The following OXR1 variants were observed in gnomAD, a reference collection of about 807,000 sequenced individuals.
The protein encoded by OXR1 is oxidation resistance 1.
OXR1 carries 41 observed loss-of-function variants against 104.6 expected under a neutral mutation model. The ratio of observed to expected loss-of-function variants is 0.39; its 90% CI spans 0.31 to 0.51. OXR1 has a LOEUF of 0.51. OXR1 is among the 20% of genes least tolerant of loss of function. The pLI, the probability that OXR1 is intolerant of heterozygous loss-of-function variation, is 0.77. For synonymous variants in OXR1, 348 were observed against 348.4 expected (o/e 1.00, Z 0.01); for missense variants, 955 against 1,031.9 (o/e 0.93, Z 1.02).
At chr8:106,591,523 C>T (rs561528460) in intron 3 of OXR1, among the ~76,000 whole-genome samples, 2 of 151,744 alleles carry the variant, frequency 1.3e-5, no homozygotes, top group Non-Finnish European at 2.9e-5. Flanking sequence ...ATAACTCTTA[C>T]TCTTAGAAAA....
intron 1 of OXR1, among the ~76,000 whole-genome samples, chr8:106,326,334 A>G (rs1814467944): frequency 6.6e-6 from 1 of 152,260 alleles, no homozygotes; most frequent in South Asian, 2.1e-4. Flanking sequence ...TCGTGTTTAC[A>G]TGGATCTTAA....
chr8:106,713,233 T>C (rs1289828811), intron 10 of OXR1, among the ~76,000 whole-genome samples: 1 of 151,976 alleles, frequency 6.6e-6, no homozygotes, highest in Non-Finnish European at 1.5e-5. Context: ...AACGTAGATA[T>C]TTGAAATGTG....
intron 3 of OXR1, among the ~76,000 whole-genome samples, chr8:106,639,961 G>C (rs1823491828): frequency 1.3e-5 from 2 of 152,242 alleles, no homozygotes; most frequent in South Asian, 4.1e-4. Flanking sequence ...AGTGCCCTTT[G>C]TGAGCAAGTA....
At chr8:106,518,335 A>G (rs1316685590) in intron 2 of OXR1, among the ~76,000 whole-genome samples, 3 of 152,212 alleles carry the variant, frequency 2.0e-5, no homozygotes, top group Admixed American at 1.3e-4. Context: ...AATGATTTGT[A>G]TGCCAAAGGA....
intron 1 of OXR1, among the ~76,000 whole-genome samples, chr8:106,313,650 A>T (rs1813804051): frequency 6.6e-6 from 1 of 152,006 alleles, no homozygotes; most frequent in Non-Finnish European, 1.5e-5. Flanking sequence ...TCCTTTTGCT[A>T]GGACAAAATG....
chr8:106,359,860 A>G (rs879744280), intron 2 of OXR1, among the ~76,000 whole-genome samples: 19 of 152,170 alleles, frequency 1.2e-4, no homozygotes, highest in Non-Finnish European at 2.8e-4. Context: ...GAAGCCTCGC[A>G]CTGAATCCCA....
chr8:106,616,108 C>A (rs1342559653), intron 3 of OXR1, among the ~76,000 whole-genome samples: 1 of 137,046 alleles, frequency 7.3e-6, no homozygotes, highest in Non-Finnish European at 1.5e-5. Context: ...ATGGTGCGAT[C>A]TCAGCTCACT....
chr8:106,712,992 A>G (rs1211454179), intron 10 of OXR1, among the ~76,000 whole-genome samples: 1 of 151,978 alleles, frequency 6.6e-6, no homozygotes, highest in Non-Finnish European at 1.5e-5. Context: ...GTAGACATAA[A>G]ACTTAGGAAA....
intron 1 of OXR1, among the ~76,000 whole-genome samples, chr8:106,277,494 A>G (rs906814091): frequency 2.0e-5 from 3 of 152,072 alleles, no homozygotes; most frequent in African/African-American, 7.2e-5. Context: ...ATTAGTTCCA[A>G]CTGTTTTACT....
chr8:106,649,301 C>G (rs1373722384), intron 3 of OXR1, among the ~76,000 whole-genome samples: 1 of 151,536 alleles, frequency 6.6e-6, no homozygotes, highest in Non-Finnish European at 1.5e-5. Context: ...TGCATATATA[C>G]ACATACTAAT....
chr8:106,274,629 G>T (rs1258319593), intron 1 of OXR1, among the ~76,000 whole-genome samples: 1 of 93,410 alleles, frequency 1.1e-5, no homozygotes, highest in African/African-American at 4.7e-5. Flanking sequence ...CCTTTCTCCT[G>T]TGCATACAAA....
At chr8:106,598,374 C>G (rs1819685965) in intron 3 of OXR1, among the ~76,000 whole-genome samples, 1 of 152,136 alleles carries the variant, frequency 6.6e-6, no homozygotes, top group African/African-American at 2.4e-5. Flanking sequence ...CTGTCCTTAT[C>G]ACAGCTCTAT....
chr8:106,271,187 C>G (rs1055240138), intron 1 of OXR1, among the ~76,000 whole-genome samples: 1 of 152,040 alleles, frequency 6.6e-6, no homozygotes, highest in African/African-American at 2.4e-5. Context: ...CCGTGCCGCC[C>G]CTTGAATAGT....
chr8:106,339,352 G>A (rs1389693020), intron 1 of OXR1, among the ~76,000 whole-genome samples: 17 of 150,884 alleles, frequency 1.1e-4, no homozygotes, highest in East Asian at 2.0e-4. Context: ...AAAATCAGCC[G>A]GGCGTGGTGG....
chr8:106,599,788 T>C (rs1253186028), intron 3 of OXR1, among the ~76,000 whole-genome samples: 1 of 152,154 alleles, frequency 6.6e-6, no homozygotes, highest in East Asian at 1.9e-4. Context: ...TCCCCAACCT[T>C]TTCGGTATCA....
In OXR1 at chr8:106,288,542, G is replaced by GTA. The variant is rs1554618323; in HGVS notation, c.-139+18186_-139+18187dup. Among the ~76,000 whole-genome samples the GTA allele has an allele frequency of 1.4e-4, 21 of 147,542 alleles. No individual in the cohort carries two copies. The South Asian group carries it at 1.5e-3, about 11-fold the overall frequency. On this transcript the variant is annotated intron_variant, in intron 1 of 16. Coordinates refer to ENST00000517566, the MANE Select transcript of OXR1 (RefSeq NM_001198533.2). Reference sequence around the variant, plus strand: ...TATATATATATGTATGTGTGTGTGTGTATATATATATAGTGTGTATATATA... The same window carrying GTA: ...TATATATATATGTATGTGTGTGTGTGTATATATATATATAGTGTGTATATATA...
intron 3 of OXR1, chr8:106,657,431 C>T (rs1563674056): frequency 6.6e-6 from 1 of 152,434 alleles, no homozygotes; most frequent in African/African-American, 2.4e-5. Flanking sequence ...ATTTTCAGAC[C>T]CCTCCTAGGC....
chr8:106,323,378 G>T (rs1203006640), intron 1 of OXR1, among the ~76,000 whole-genome samples: 3 of 152,094 alleles, frequency 2.0e-5, no homozygotes, highest in Admixed American at 6.6e-5. Flanking sequence ...ATTCAAGTTG[G>T]ATTAAAGACT....
At position 106,360,616 on chromosome 8, in the gene OXR1, G is replaced by A. The variant is rs1003688675; in HGVS notation, c.23+980G>A. ...AAGATATCCTTGGATCTTTTGGCCT[G>A]GGTGCTAAGAATCTCAGTTTGAAAA... On this transcript the variant is annotated intron_variant, in intron 2 of 16. Transcript: ENST00000517566. 9.2e-5 allele frequency among the ~76,000 whole-genome samples: 14 copies of A among 151,838 alleles called. 1 individual carries two copies. Among genetic ancestry groups the A allele is most frequent in the Admixed American group, 4.6e-4 (7 of 15,256 alleles).
Sources: allele counts gnomAD v4.1 joint callset (sites outside exome capture counted in the v4.1 genomes callset), GRCh38; gene constraint gnomAD v4.1.1; transcripts MANE v1.5; gene names NCBI Gene and HGNC (gene_info 2026-07-23, HGNC 2026-07-21).